Variants in R3HDM1 observed in about 807,000 individuals in gnomAD.
R3HDM1 encodes R3H domain-containing protein 1.
R3HDM1 carries 46 observed loss-of-function variants against 141.1 expected under a neutral mutation model. The ratio of observed to expected loss-of-function variants is 0.33; its 90% CI spans 0.26 to 0.42. The LOEUF (loss-of-function observed/expected upper bound fraction) is 0.42, where lower values mean the gene tolerates loss of function less well. Among genes scored for constraint, R3HDM1 ranks in the 10% least tolerant of loss-of-function variants. The pLI is 1.00. For synonymous variants in R3HDM1, 435 were observed against 472.9 expected, an observed-to-expected ratio of 0.92 and a Z score of 1.04; for missense variants, 1,184 against 1,368.3, an observed-to-expected ratio of 0.87 and a Z score of 2.12.
chr2:135,554,614 G>T (rs1233808828), intron 1 of R3HDM1, among the ~76,000 whole-genome samples: 1 of 152,106 alleles, frequency 6.6e-6, no homozygotes, highest in Non-Finnish European at 1.5e-5. Context: ...ATACCATTTT[G>T]CATTCTCATC....
chr2:135,633,298 T>TA (rs1392844029), intron 9 of R3HDM1, among the ~76,000 whole-genome samples: 1 of 152,190 alleles, frequency 6.6e-6, no homozygotes, highest in African/African-American at 2.4e-5. Context: ...ATAGAACTGT[T>TA]AATTCATTTA....
At chr2:135,537,198 T>G (rs899460007) in intron 1 of R3HDM1, among the ~76,000 whole-genome samples, 16 of 150,284 alleles carry the variant, frequency 1.1e-4, no homozygotes, top group African/African-American at 3.2e-4. Context: ...AAAAAAGTCT[T>G]ACTGTTGTGA....
At chr2:135,579,038 G>C (rs1450119439) in intron 1 of R3HDM1, among the ~76,000 whole-genome samples, 1 of 152,144 alleles carries the variant, frequency 6.6e-6, no homozygotes, top group African/African-American at 2.4e-5. Flanking sequence ...TGTCCTGAGA[G>C]AGCCAGAGGA....
chr2:135,606,555 A>C (rs551402045), intron 3 of R3HDM1: 1 of 151,978 alleles, frequency 6.6e-6, no homozygotes, highest in Non-Finnish European at 1.5e-5. Flanking sequence ...CAAGGTCAGG[A>C]GATCGAGACC....
chr2:135,583,977 A>G (rs1707330225), intron 1 of R3HDM1: 2 of 985,332 alleles, frequency 2.0e-6, no homozygotes, highest in Non-Finnish European at 1.2e-6. Context: ...AAGTTGCTGG[A>G]CATTCCAAAA....
intron 1 of R3HDM1, among the ~76,000 whole-genome samples, chr2:135,545,896 T>C (rs1428106945): frequency 6.6e-6 from 1 of 152,176 alleles, no homozygotes; most frequent in African/African-American, 2.4e-5. Context: ...TCTTAGCTAT[T>C]AGAATGTGAG....
In R3HDM1 at chr2:135,660,255, T is replaced by G. The variant is rs553605831; in HGVS notation, c.2029-1015T>G. Among the ~76,000 whole-genome samples the G allele has an allele frequency of 2.6e-3, 397 of 152,234 alleles. 2 individuals carry two copies. Among genetic ancestry groups the G allele is most frequent in the African/African-American group, 8.6e-3 (357 of 41,546 alleles). On this transcript the variant is annotated intron_variant, in intron 18 of 26. Coordinates refer to ENST00000683871, the MANE Select transcript of R3HDM1 (RefSeq NM_001378107.1). ...GAAGTTTCAGTTTTTTGGTTTTTTT[T>G]GGGGGGGATTTTGGAATATTTGCAT...
In R3HDM1 at chr2:135,549,062, G is replaced by A. The variant is rs192260306; in HGVS notation, c.-250+17429G>A. ...GTCATCCCCTTTTTAAAAAAGTTTTGAACATTTGTATTGAAACTAGAATTA... is the reference window on the plus strand; with the variant it reads ...GTCATCCCCTTTTTAAAAAAGTTTTAAACATTTGTATTGAAACTAGAATTA... On this transcript the variant is annotated intron_variant, in intron 1 of 26. Coordinates refer to ENST00000683871, the MANE Select transcript of R3HDM1 (RefSeq NM_001378107.1). 3.5e-3 allele frequency among the ~76,000 whole-genome samples: 535 copies of A among 152,222 alleles called. 2 individuals are homozygous for A. Among genetic ancestry groups the A allele is most frequent in the Non-Finnish European group, 4.0e-3 (273 of 68,020 alleles).
At chr2:135,669,241 A>G (rs1032201306) in intron 19 of R3HDM1, 4 of 985,384 alleles carry the variant, frequency 4.1e-6, no homozygotes, top group Non-Finnish European at 3.6e-6. Context: ...TGTTCCTCCC[A>G]CAGAGAGGAC....
intron 1 of R3HDM1, among the ~76,000 whole-genome samples, chr2:135,591,026 A>G (rs985367907): frequency 7.2e-5 from 11 of 152,298 alleles, no homozygotes; most frequent in Non-Finnish European, 1.3e-4. Flanking sequence ...ATGAAACTGA[A>G]TGTCTACCAA....
chr2:135,535,796 T>A (rs990354866), intron 1 of R3HDM1, among the ~76,000 whole-genome samples: 12 of 152,170 alleles, frequency 7.9e-5, no homozygotes, highest in South Asian at 2.1e-4. Context: ...AACATGACTG[T>A]ATATCATTTC....
chr2:135,707,874 T>C (rs1000195574), intron 21 of R3HDM1, among the ~76,000 whole-genome samples: 3 of 152,210 alleles, frequency 2.0e-5, no homozygotes, highest in Non-Finnish European at 4.4e-5. Context: ...TATTAAATCC[T>C]CCCTTTATAT....
intron 2 of R3HDM1, among the ~76,000 whole-genome samples, 172 bp from the exon 3 acceptor site, chr2:135,604,634 C>CT (rs1240037289): frequency 6.6e-6 from 1 of 151,876 alleles, no homozygotes; most frequent in Non-Finnish European, 1.5e-5. Context: ...GTATTGTGAT[C>CT]TTTTTTTTAA....
In R3HDM1 at chr2:135,652,007, G is replaced by A; in HGVS notation, c.2003G>A (p.Gly668Glu). The change falls in exon 18 of 27, where the codon GGA (glycine) becomes GAA (glutamate). Residue 668 changes from glycine to glutamate, a missense_variant. Gly to Glu is a moderately conservative substitution (Grantham distance 98, BLOSUM62 -2). Around this residue, in one of 5 missense-constraint regions of R3HDM1, gnomAD observed 563 missense variants for 562.0 expected, o/e 1.00. Transcript: ENST00000683871. ...AGCCAGCCTGTGCTCCAGCAGCAGG[G>A]ATATATTCAGCAGCCATCACCACAG... ...PVSQPVLQQQ[G>E]YIQQPSPQMP... 6.2e-7 allele frequency: 1 copy of A among 1,601,632 alleles called. No individual in the cohort carries two copies. The highest frequency in any genetic ancestry group is 8.5e-7 in the Non-Finnish European group (1 of 1,173,162).
intron 21 of R3HDM1, among the ~76,000 whole-genome samples, chr2:135,695,538 C>T (rs1011893155): frequency 2.0e-5 from 3 of 152,108 alleles, no homozygotes; most frequent in African/African-American, 7.2e-5. Flanking sequence ...ATCCAACAAG[C>T]TCAGCAAATC....
chr2:135,584,805 GT>G (rs1039632072), intron 1 of R3HDM1, among the ~76,000 whole-genome samples: 2 of 152,160 alleles, frequency 1.3e-5, no homozygotes, highest in African/African-American at 4.8e-5. Flanking sequence ...ATATTCATTT[GT>G]TTTTGCTACA....
At chr2:135,597,651 A>G (rs528432441) in intron 1 of R3HDM1, among the ~76,000 whole-genome samples, 3 of 152,194 alleles carry the variant, frequency 2.0e-5, no homozygotes, top group Non-Finnish European at 4.4e-5. Context: ...ATCTTATCTA[A>G]TGAAACGGGA....
chr2:135,590,929 G>T (rs972573743), intron 1 of R3HDM1, among the ~76,000 whole-genome samples: 5 of 152,134 alleles, frequency 3.3e-5, no homozygotes, highest in African/African-American at 1.2e-4. Context: ...TAATCCTTAG[G>T]TGCTTTCTTG....
At chr2:135,624,067 A>G (rs1356827460) in intron 7 of R3HDM1, among the ~76,000 whole-genome samples, 1 of 152,180 alleles carries the variant, frequency 6.6e-6, no homozygotes, top group Admixed American at 6.5e-5. Context: ...TGTTATATTC[A>G]AGGAAAGATA....
Sources: gnomAD v4.1 joint callset for allele counts (sites outside exome capture counted in the v4.1 genomes callset) on GRCh38, gnomAD v4.1.1 for gene constraint, gnomAD v4.1.1 regional missense constraint, MANE v1.5 for transcripts, NCBI Gene and HGNC (gene_info 2026-07-23, HGNC 2026-07-21) for gene names.